Variants in SYN3 observed in about 807,000 individuals in gnomAD.
The protein encoded by SYN3 is synapsin III, also known as synapsin-3.
In SYN3, 35 loss-of-function variants were observed where a neutral mutation model predicts 65.8. The observed-to-expected ratio is 0.53, with a 90% CI of 0.41 to 0.70. The LOEUF is 0.70. Ranked by LOEUF, SYN3 falls within the 30% of genes least tolerant of loss-of-function variation. The pLI, the probability that SYN3 is intolerant of heterozygous loss-of-function variation, is 0.00. For missense variants in SYN3, 680 were observed against 749.0 expected, an observed-to-expected ratio of 0.91 and a Z score of 1.08; for synonymous variants, 270 against 292.9, an observed-to-expected ratio of 0.92 and a Z score of 0.80.
intron 1 of SYN3, among the ~76,000 whole-genome samples, chr22:33,027,061 C>T (rs2053651381): frequency 6.6e-6 from 1 of 151,976 alleles, no homozygotes; most frequent in African/African-American, 2.4e-5. Context: ...GCTGCTTTTT[C>T]AGGAACTAAA....
Position 32,516,040 on chromosome 22 carries a change from C to T in SYN3, c.1610+2003G>A, listed in dbSNP as rs531384052. Among the ~76,000 whole-genome samples, 19 of 152,194 alleles carry T rather than the reference C, an allele frequency of 1.2e-4. No homozygotes were observed. In the South Asian group the frequency reaches 1.7e-3, roughly 13 times the overall value. On this transcript the variant is annotated intron_variant, in intron 13 of 13. Transcript: ENST00000358763. ...GTCTCGATCTCCTGACCTTGTGATC[C>T]GCCCCCCTCCACCTCCCAAAGTGTT...
At chr22:32,543,765 C>T (rs2058295558) in intron 7 of SYN3, among the ~76,000 whole-genome samples, 2 of 152,212 alleles carry the variant, frequency 1.3e-5, no homozygotes, top group South Asian at 4.1e-4. Flanking sequence ...TATTAGCAAC[C>T]TCTGGGTGGT....
At chr22:32,875,435 C>T (rs1428361392) in intron 4 of SYN3, among the ~76,000 whole-genome samples, 2 of 152,230 alleles carry the variant, frequency 1.3e-5, no homozygotes, top group Non-Finnish European at 2.9e-5. Flanking sequence ...CTATCCTCTT[C>T]CTCCTGGTCA....
chr22:32,713,307 T>A (rs954254849), intron 6 of SYN3, among the ~76,000 whole-genome samples: 1 of 152,208 alleles, frequency 6.6e-6, no homozygotes, highest in Admixed American at 6.5e-5. Flanking sequence ...ACTGTAGGCT[T>A]TGTAGAAACT....
chr22:32,593,379 A>G (rs1160574664), intron 7 of SYN3, among the ~76,000 whole-genome samples: 1 of 151,912 alleles, frequency 6.6e-6, no homozygotes, highest in Non-Finnish European at 1.5e-5. Flanking sequence ...CTTTAAGCAC[A>G]GAGTTTAATT....
intron 3 of SYN3, among the ~76,000 whole-genome samples, chr22:32,977,858 G>A (rs1233590809): frequency 6.6e-6 from 1 of 151,434 alleles, no homozygotes; most frequent in Non-Finnish European, 1.5e-5. Flanking sequence ...GTTCTCTTTT[G>A]TGCCAGGCCC....
chr22:33,005,043 G>A (rs2053161213), intron 2 of SYN3, among the ~76,000 whole-genome samples: 1 of 152,098 alleles, frequency 6.6e-6, no homozygotes, highest in Non-Finnish European at 1.5e-5. Flanking sequence ...CCTTCACCTG[G>A]CACTCATTCA....
At chr22:32,615,444 A>AG (rs1569093416) in intron 6 of SYN3, among the ~76,000 whole-genome samples, 3 of 150,772 alleles carry the variant, frequency 2.0e-5, no homozygotes, top group Admixed American at 1.3e-4. Context: ...AAAAAAAAAA[A>AG]AAAAAAAGAA....
intron 6 of SYN3, among the ~76,000 whole-genome samples, chr22:32,757,294 CTT>C (rs148259174): frequency 0.61 from 69,066 of 113,242 alleles, 20,252 homozygotes; most frequent in African/African-American, 0.65. Flanking sequence ...CTCCTCCTAC[CTT>C]TTTTTTTTTT....
intron 6 of SYN3, among the ~76,000 whole-genome samples, chr22:32,830,563 T>C (rs1471263689): frequency 1.3e-5 from 2 of 152,130 alleles, no homozygotes; most frequent in East Asian, 1.9e-4. Flanking sequence ...CCTTTCTTAT[T>C]GTGTCCCCTC....
intron 7 of SYN3, among the ~76,000 whole-genome samples, chr22:32,550,632 T>C: frequency 6.6e-6 from 1 of 151,974 alleles, no homozygotes; most frequent in Non-Finnish European, 1.5e-5. Flanking sequence ...GATGAATTTA[T>C]GATGTATTTT....
chr22:32,630,062 C>T (rs1312924365), intron 6 of SYN3, among the ~76,000 whole-genome samples: 2 of 151,254 alleles, frequency 1.3e-5, no homozygotes, highest in African/African-American at 4.9e-5. Flanking sequence ...CGGCTCACTG[C>T]AACCTCGGCC....
intron 3 of SYN3, among the ~76,000 whole-genome samples, chr22:32,941,403 C>A (rs1233271568): frequency 6.6e-6 from 1 of 152,178 alleles, no homozygotes; most frequent in Non-Finnish European, 1.5e-5. Flanking sequence ...CCCACTCTCT[C>A]ATTTGTATTA....
chr22:32,966,346 A>G (rs891618835), intron 3 of SYN3, among the ~76,000 whole-genome samples: 1 of 152,176 alleles, frequency 6.6e-6, no homozygotes, highest in Admixed American at 6.5e-5. Flanking sequence ...AAAGGCATGG[A>G]GATGTGACTC....
At chr22:32,580,132 C>T (rs995602162) in intron 7 of SYN3, among the ~76,000 whole-genome samples, 1 of 152,224 alleles carries the variant, frequency 6.6e-6, no homozygotes, top group African/African-American at 2.4e-5. Flanking sequence ...GAGCTTACAG[C>T]CTGGTTGGGG....
chr22:32,631,213 T>C (rs2059743489), intron 6 of SYN3, among the ~76,000 whole-genome samples: 2 of 151,640 alleles, frequency 1.3e-5, no homozygotes, highest in Non-Finnish European at 2.9e-5. Context: ...AAGAATTGCT[T>C]GAACCTGGGA....
At chr22:32,662,825 C>T (rs578054706) in intron 6 of SYN3, among the ~76,000 whole-genome samples, 26 of 152,206 alleles carry the variant, frequency 1.7e-4, no homozygotes, top group South Asian at 6.2e-4. Context: ...AAGCACTGTG[C>T]GTGGTATAGA....
intron 4 of SYN3, among the ~76,000 whole-genome samples, chr22:32,912,115 A>G (rs2050066448): frequency 6.6e-6 from 1 of 152,180 alleles, no homozygotes; most frequent in Admixed American, 6.5e-5. Context: ...CCCCGACACA[A>G]AGCAAGTGCT....
In SYN3 at chr22:32,737,767, C is replaced by G. The variant is rs1360617672; in HGVS notation, c.711+127148G>C. ...CCCAGTGCTCCTCTCCACTTCCCATCCTCCCTAGAGATCAGGACCAGGACC... is the reference window on the plus strand; with the variant it reads ...CCCAGTGCTCCTCTCCACTTCCCATGCTCCCTAGAGATCAGGACCAGGACC... On this transcript the variant is annotated intron_variant, in intron 6 of 13. Coordinates refer to ENST00000358763, the MANE Select transcript of SYN3 (RefSeq NM_003490.4). 2.0e-5 allele frequency among the ~76,000 whole-genome samples: 3 copies of G among 152,148 alleles called. No individual in the cohort carries two copies. In the South Asian group the frequency reaches 6.2e-4, roughly 32 times the overall value.
Sources: gnomAD v4.1 joint callset for allele counts (sites outside exome capture counted in the v4.1 genomes callset) on GRCh38, gnomAD v4.1.1 for gene constraint, MANE v1.5 for transcripts, NCBI Gene and HGNC (gene_info 2026-07-23, HGNC 2026-07-21) for gene names.